The following PHF11 variants were observed in gnomAD, a reference collection of about 807,000 sequenced individuals.
The protein encoded by PHF11 is PHD finger protein 11, also known as BRCA1 C-terminus-associated protein.
PHF11 carries 38 observed loss-of-function variants against 40.5 expected under a neutral mutation model. That is an observed-to-expected ratio of 0.94 (90% confidence interval 0.72 to 1.23). The LOEUF is 1.23. PHF11 is among the 50% of genes most tolerant of loss of function. The pLI is 0.00. For synonymous variants in PHF11, 127 were observed against 138.2 expected, an observed-to-expected ratio of 0.92 and a Z score of 0.57; for missense variants, 369 against 392.4, an observed-to-expected ratio of 0.94 and a Z score of 0.50.
chr13:49,518,961 G>T (rs369513105), intron 4 of PHF11: 1 of 149,592 alleles, frequency 6.7e-6, no homozygotes, highest in Non-Finnish European at 1.5e-5. Flanking sequence ...TCAGCCTCCC[G>T]AGTAGCTGGG....
chr13:49,497,299 A>G (rs761813138), intron 1 of PHF11: 2 of 771,912 alleles, frequency 2.6e-6, no homozygotes, highest in Non-Finnish European at 3.9e-6. Flanking sequence ...CATTTCTGAA[A>G]TGATCTCAAA....
intron 4 of PHF11, among the ~76,000 whole-genome samples, chr13:49,520,183 G>A (rs1338875588): frequency 6.6e-6 from 1 of 152,118 alleles, no homozygotes; most frequent in Non-Finnish European, 1.5e-5. Flanking sequence ...TGAGTAGCTG[G>A]GTCTACAGGC....
intron 1 of PHF11, 119 bp downstream of exon 1, chr13:49,496,214 G>C: frequency 5.8e-6 from 4 of 685,206 alleles, no homozygotes; most frequent in Non-Finnish European, 6.1e-6. Context: ...ACTCCGGGCC[G>C]GGGCCCTAGA....
At chr13:49,505,695 C>G (rs1009924735) in intron 1 of PHF11, among the ~76,000 whole-genome samples, 4 of 152,176 alleles carry the variant, frequency 2.6e-5, no homozygotes, top group African/African-American at 9.7e-5. Flanking sequence ...GGGTGGAGAT[C>G]TCAACAGCTG....
At chr13:49,515,914 C>A (rs1238349693) in intron 3 of PHF11, among the ~76,000 whole-genome samples, 3 of 152,186 alleles carry the variant, frequency 2.0e-5, no homozygotes, top group African/African-American at 7.2e-5. Context: ...CCCCTTTGAT[C>A]ATCCTGAGAC....
At chr13:49,501,240 C>A (rs974647442) in intron 1 of PHF11, among the ~76,000 whole-genome samples, 1 of 151,896 alleles carries the variant, frequency 6.6e-6, no homozygotes, top group African/African-American at 2.4e-5. Flanking sequence ...CTTGAACTCC[C>A]GACCTCAGGT....
At chr13:49,496,161 C>A in intron 1 of PHF11, 66 bp downstream of exon 1, 1 of 982,642 alleles carries the variant, frequency 1.0e-6, no homozygotes, top group Non-Finnish European at 1.3e-6. Flanking sequence ...GGTCAAGGGG[C>A]CTGCCTTCCG....
intron 8 of PHF11, chr13:49,526,127 C>T: frequency 2.4e-6 from 1 of 411,176 alleles, no homozygotes; most frequent in Non-Finnish European, 4.5e-6. Context: ...CAAGATCGCA[C>T]CACTGCACTC....
chr13:49,506,494 G>A, intron 1 of PHF11, 141 bp from the exon 2 acceptor site: 1 of 710,542 alleles, frequency 1.4e-6, no homozygotes, highest in Non-Finnish European at 2.4e-6. Flanking sequence ...TTTCACTTGG[G>A]TCCCCAATAT....
At chr13:49,498,685 T>TA (rs1490750882) in intron 1 of PHF11, among the ~76,000 whole-genome samples, 7 of 152,304 alleles carry the variant, frequency 4.6e-5, no homozygotes, top group African/African-American at 1.7e-4. Context: ...GACAGTAATA[T>TA]AAAGAATGCA....
At chr13:49,497,562 T>A (rs1958834362) in intron 1 of PHF11, among the ~76,000 whole-genome samples, 1 of 152,214 alleles carries the variant, frequency 6.6e-6, no homozygotes, top group Non-Finnish European at 1.5e-5. Context: ...GCCTACGCCA[T>A]CATGATCTTC....
At chr13:49,497,945 C>T (rs1958839402) in intron 1 of PHF11, among the ~76,000 whole-genome samples, 1 of 152,184 alleles carries the variant, frequency 6.6e-6, no homozygotes, top group South Asian at 2.1e-4. Flanking sequence ...TACATCTTCC[C>T]TCAACCTTGC....
At chr13:49,512,126 C>T (rs1959089401) in intron 2 of PHF11, among the ~76,000 whole-genome samples, 1 of 152,172 alleles carries the variant, frequency 6.6e-6, no homozygotes, top group Non-Finnish European at 1.5e-5. Flanking sequence ...TTTAATATGC[C>T]TAAGGGTTAA....
chr13:49,527,123 A>G (rs1029064637), intron 9 of PHF11: 2 of 152,228 alleles, frequency 1.3e-5, no homozygotes, highest in Non-Finnish European at 2.9e-5. Context: ...TGTTTGCAGT[A>G]GAAAATCTCG....
At chr13:49,522,446 C>T (rs1959192760) in intron 6 of PHF11, among the ~76,000 whole-genome samples, 1 of 152,152 alleles carries the variant, frequency 6.6e-6, no homozygotes, top group Non-Finnish European at 1.5e-5. Context: ...GCATCTGACC[C>T]CACAGGTGCT....
chr13:49,515,186 G>A (rs1347286398), intron 3 of PHF11, among the ~76,000 whole-genome samples: 1 of 152,028 alleles, frequency 6.6e-6, no homozygotes, highest in Admixed American at 6.6e-5. Context: ...GAGAAGAGAG[G>A]AAAGTCACCT....
intron 3 of PHF11, among the ~76,000 whole-genome samples, chr13:49,515,037 C>T (rs1223667582): frequency 6.6e-6 from 1 of 152,034 alleles, no homozygotes; most frequent in Non-Finnish European, 1.5e-5. Context: ...TGAAGAGACC[C>T]AGGCTGAGAA....
At chr13:49,523,457 GAA>G (rs1230431206) in intron 7 of PHF11, 1 of 548,302 alleles carries the variant, frequency 1.8e-6, no homozygotes, top group Admixed American at 3.7e-5. Flanking sequence ...TCAGTATTAA[GAA>G]AAGATAGACT....
chr13:49,522,295 G>A (rs1303256878), intron 6 of PHF11, among the ~76,000 whole-genome samples, 188 bp downstream of exon 6: 3 of 152,116 alleles, frequency 2.0e-5, no homozygotes, highest in Admixed American at 6.6e-5. Context: ...TCCCATAGTC[G>A]GGAAGCTCTT....
Sources: allele counts gnomAD v4.1 joint callset (sites outside exome capture counted in the v4.1 genomes callset), GRCh38; gene constraint gnomAD v4.1.1; transcripts MANE v1.5; gene names NCBI Gene and HGNC (gene_info 2026-07-23, HGNC 2026-07-21).